JADE3: variants seen among roughly 807,000 people sequenced by gnomAD.
The protein encoded by JADE3 is protein Jade-3.
In JADE3, 2 loss-of-function variants were observed where a neutral mutation model predicts 50.1. The ratio of observed to expected loss-of-function variants is 0.04; its 90% CI spans 0.02 to 0.13. The LOEUF (loss-of-function observed/expected upper bound fraction) is 0.13, where lower values mean the gene tolerates loss of function less well. JADE3 is among the 10% of genes least tolerant of loss of function. The pLI is 1.00. For missense variants in JADE3, 475 were observed against 634.4 expected, an observed-to-expected ratio of 0.75 and a Z score of 2.70; for synonymous variants, 218 against 232.9, an observed-to-expected ratio of 0.94 and a Z score of 0.58.
At chrX:47,011,375 AT>A (rs1476957396) in intron 4 of JADE3, among the ~76,000 whole-genome samples, 1 of 112,417 alleles carries the variant, frequency 8.9e-6, no homozygotes, top group African/African-American at 3.2e-5. Flanking sequence ...CATTTTGTTA[AT>A]CCTTTCAGCA....
At chrX:46,918,984 A>G (rs182007326) in intron 1 of JADE3, among the ~76,000 whole-genome samples, 27 of 112,649 alleles carry the variant, frequency 2.4e-4, no homozygotes, top group Non-Finnish European at 4.7e-4. Context: ...CCATTACTGC[A>G]ATAATTCATA....
chrX:46,925,731 G>C (rs2147104882), intron 1 of JADE3, among the ~76,000 whole-genome samples: 1 of 109,142 alleles, frequency 9.2e-6, no homozygotes, highest in South Asian at 4.1e-4. Flanking sequence ...GGCTGAGGCA[G>C]GAGAATGGCG....
intron 1 of JADE3, among the ~76,000 whole-genome samples, chrX:46,977,535 A>G (rs1013528436): frequency 8.9e-6 from 1 of 112,352 alleles, no homozygotes; most frequent in East Asian, 2.8e-4. Context: ...TTAGGTATAC[A>G]ATATAGTATT....
At chrX:47,028,311 A>G (rs782446436) in intron 6 of JADE3, among the ~76,000 whole-genome samples, 28 of 109,893 alleles carry the variant, frequency 2.5e-4, no homozygotes, top group Non-Finnish European at 4.4e-4. Context: ...ATGGGGCTAA[A>G]CCCAGGTCTT....
chrX:46,949,073 A>G (rs1275029490), intron 1 of JADE3, among the ~76,000 whole-genome samples: 1 of 110,663 alleles, frequency 9.0e-6, no homozygotes, highest in East Asian at 2.8e-4. Context: ...AGTTGGGACT[A>G]CAGGTACATG....
Position 47,020,481 on chromosome X carries a change from AT to A in JADE3, c.285-4235del, listed in dbSNP as rs782191203. 3.9e-3 allele frequency among the ~76,000 whole-genome samples: 435 copies of A among 111,226 alleles called. 2 individuals carry two copies. The highest frequency in any genetic ancestry group is 0.013 in the African/African-American group (412 of 30,633). On this transcript the variant is annotated intron_variant, in intron 4 of 10. Transcript: ENST00000614628. ...GCTGCATTTAAAAAATCCCAAACAT[AT>A]TTTTTTTCACTAATTCTCACAGCCC...
At chrX:47,039,861 GT>G (rs1556369265) in intron 8 of JADE3, among the ~76,000 whole-genome samples, 1 of 111,662 alleles carries the variant, frequency 9.0e-6, no homozygotes, top group African/African-American at 3.3e-5. Flanking sequence ...TCTCACCCAG[GT>G]AATCAGCATA....
At chrX:46,959,205 C>A (rs1927200430) in intron 1 of JADE3, among the ~76,000 whole-genome samples, 1 of 112,464 alleles carries the variant, frequency 8.9e-6, no homozygotes. Flanking sequence ...ATTGCAGCCC[C>A]AAATCTCCTT....
intron 1 of JADE3, among the ~76,000 whole-genome samples, chrX:46,963,977 A>C (rs1927317402): frequency 8.9e-6 from 1 of 112,255 alleles, no homozygotes; most frequent in Non-Finnish European, 1.9e-5. Context: ...TTAAGGCACC[A>C]GTCTACTCCT....
intron 1 of JADE3, among the ~76,000 whole-genome samples, chrX:46,956,096 G>A (rs1927108710): frequency 9.0e-6 from 1 of 110,812 alleles, no homozygotes; most frequent in South Asian, 3.8e-4. Flanking sequence ...ACAGAGTCTC[G>A]CTCTGTTGCC....
In JADE3 at chrX:46,973,895, A is replaced by T. The variant is rs782113894; in HGVS notation, c.-11-10989A>T. Among the ~76,000 whole-genome samples the T allele has an allele frequency of 2.7e-5, 3 of 111,001 alleles. No homozygotes were observed. In the South Asian group the frequency reaches 1.1e-3, roughly 42 times the overall value. ...CAGGAGTTCGAGACCAGCCTGACCA[A>T]CATGACAAAACCCCATCTCTACTAA... On this transcript the variant is annotated intron_variant, in intron 1 of 10. Transcript: ENST00000614628.
chrX:46,926,187 A>C (rs1926362121), intron 1 of JADE3, among the ~76,000 whole-genome samples: 1 of 107,639 alleles, frequency 9.3e-6, no homozygotes, highest in African/African-American at 3.4e-5. Context: ...GAGGCACTAC[A>C]CCTGGCCTAT....
At chrX:47,046,420 A>C (rs1556370677) in intron 8 of JADE3, among the ~76,000 whole-genome samples, 1 of 112,161 alleles carries the variant, frequency 8.9e-6, no homozygotes, top group East Asian at 2.8e-4. Flanking sequence ...CCTGGGACCC[A>C]GTGGCTTCTC....
Position 46,987,232 on chromosome X carries a change from A to G in JADE3, c.126+1440A>G, listed in dbSNP as rs140737480. Among the ~76,000 whole-genome samples the G allele has an allele frequency of 1.5e-4, 17 of 112,745 alleles. No individual in the cohort carries two copies. In the East Asian group the frequency reaches 4.7e-3, roughly 31 times the overall value. On this transcript the variant is annotated intron_variant, in intron 3 of 10. Transcript: ENST00000614628. ...AAAGCCACTTGTAGTTTCTTGCCAC[A>G]TGGCCTTTTCCATAGATCCTCTCAC...
intron 1 of JADE3, among the ~76,000 whole-genome samples, chrX:46,953,059 G>T (rs782702637): frequency 1.2e-4 from 13 of 111,217 alleles, no homozygotes; most frequent in African/African-American, 4.2e-4. Flanking sequence ...ATGGACAGAA[G>T]TTTCTTCTCT....
intron 1 of JADE3, among the ~76,000 whole-genome samples, chrX:46,928,615 ACT>A (rs1556339338): frequency 1.8e-5 from 2 of 111,727 alleles, no homozygotes; most frequent in South Asian, 7.4e-4. Context: ...ACAGGATTTC[ACT>A]CTGTCACCGA....
rs1556335340 is a variant in JADE3, at chrX:46,912,604, G to C, written c.-127G>C. ...GGATTAAGGGGCAGGTGCGAGGGAG[G>C]GAAGAGAAGAAAGCGAGCGGTTAGG... On this transcript the variant is annotated 5_prime_UTR_variant, in exon 1 of 11. Transcript: ENST00000614628. The C allele has an allele frequency of 1.8e-5, 2 of 109,634 alleles. No homozygotes were observed. Among genetic ancestry groups the C allele is most frequent in the African/African-American group, 6.6e-5 (2 of 30,453 alleles). The allele number at this position is 109,634 out of a possible 1,213,427, so 9.0% of individuals were successfully genotyped here.
intron 1 of JADE3, among the ~76,000 whole-genome samples, chrX:46,934,578 G>T (rs938982697): frequency 2.7e-5 from 3 of 110,076 alleles, no homozygotes; most frequent in African/African-American, 9.9e-5. Context: ...GATTACAGGC[G>T]TGAGTCACCG....
intron 8 of JADE3, among the ~76,000 whole-genome samples, chrX:47,045,837 T>G (rs1357319481): frequency 1.9e-5 from 2 of 103,404 alleles, no homozygotes; most frequent in African/African-American, 7.6e-5. Context: ...AAAACTGTCT[T>G]GAAACAAAAA....
Sources: gnomAD v4.1 joint callset for allele counts (sites outside exome capture counted in the v4.1 genomes callset) on GRCh38, gnomAD v4.1.1 for gene constraint, MANE v1.5 for transcripts, NCBI Gene and HGNC (gene_info 2026-07-23, HGNC 2026-07-21) for gene names.